The following ZBTB7B variants were observed in gnomAD, a reference collection of about 807,000 sequenced individuals.
The protein encoded by ZBTB7B is zinc finger and BTB domain-containing protein 7B.
ZBTB7B carries 8 observed loss-of-function variants against 31.0 expected under a neutral mutation model. The observed-to-expected ratio is 0.26, with a 90% CI of 0.15 to 0.47. The LOEUF is 0.47. Among genes scored for constraint, ZBTB7B ranks in the 20% least tolerant of loss-of-function variants. The pLI is 0.99. For missense variants in ZBTB7B, 494 were observed against 742.4 expected (o/e 0.67, Z 3.89); for synonymous variants, 261 against 307.3 (o/e 0.85, Z 1.58).
chr1:155,017,053 T>G lies in ZBTB7B; in HGVS notation c.*368T>G. The G allele has an allele frequency of 5.0e-6, 1 of 199,064 alleles. No individual in the cohort carries two copies. The highest frequency in any genetic ancestry group is 2.3e-5 in the African/African-American group (1 of 43,346). The allele number at this position is 199,064 out of a possible 1,614,324, so 12.3% of individuals were successfully genotyped here. On this transcript the variant is annotated 3_prime_UTR_variant, in exon 3 of 3. Coordinates refer to ENST00000535420, the MANE Select transcript of ZBTB7B (RefSeq NM_001256455.2). ...GGGGTGGGGGCTTGGGACCAAAGCCTTGCCCCGCCCCTATGCCCCTTGGGG... is the reference window on the plus strand; with the variant it reads ...GGGGTGGGGGCTTGGGACCAAAGCCGTGCCCCGCCCCTATGCCCCTTGGGG...
rs932039339 is a variant in ZBTB7B, at chr1:155,017,368, G to GCCCGGC, written c.*686_*687insGGCCCC. Reference sequence around the variant, plus strand: ...CCCCTGGGGGCAGTAGAGGGGCCCCGCCCAGCTAGGGGAGCCGCTCCGTTC... The same window carrying GCCCGGC: ...CCCCTGGGGGCAGTAGAGGGGCCCCGCCCGGCCCCAGCTAGGGGAGCCGCTCCGTTC... On this transcript the variant is annotated 3_prime_UTR_variant, in exon 3 of 3. Coordinates refer to ENST00000535420, the MANE Select transcript of ZBTB7B (RefSeq NM_001256455.2). The GCCCGGC allele has an allele frequency of 1.9e-5, 2 of 106,372 alleles. No individual in the cohort carries two copies. The highest frequency in any genetic ancestry group is 6.3e-5 in the African/African-American group (2 of 31,722). 6.6% of individuals were successfully genotyped at this position (106,372 alleles called of 1,614,324 possible).
rs766371728 is a variant in ZBTB7B, at chr1:155,016,453, G to A, written c.1388G>A (p.Arg463His). The A allele has an allele frequency of 1.3e-5, 21 of 1,613,890 alleles. No homozygotes were observed. In the Admixed American group the frequency reaches 2.7e-4, roughly 20 times the overall value. ...CTGGAGGTGCGCACCCGACGGCGCC[G>A]CAAGGACGATGCACCACCCCACTAC... is the stretch of plus-strand genomic sequence containing the variant. ...NCLEVRTRRR[R>H]KDDAPPHYPP... Residue 463 changes from arginine to histidine, a missense_variant, in exon 3 of 3, where the codon CGC (arginine) becomes CAC (histidine). Arg to His is a conservative substitution (Grantham distance 29). Coordinates refer to ENST00000535420, the MANE Select transcript of ZBTB7B (RefSeq NM_001256455.2). This position sits in a 1 kb window ranked among gnomAD's most constrained non-coding sequence, Gnocchi z 4.3.
chr1:155,012,062 C>T (rs760616330), intron 1 of ZBTB7B, among the ~76,000 whole-genome samples: 21 of 152,188 alleles, frequency 1.4e-4, no homozygotes, highest in Non-Finnish European at 2.2e-4. Flanking sequence ...ATTGCTACCT[C>T]TTGGCCATGG....
chr1:155,005,541 T>C (rs374813863), intron 1 of ZBTB7B, among the ~76,000 whole-genome samples: 2 of 152,202 alleles, frequency 1.3e-5, no homozygotes, highest in African/African-American at 4.8e-5. Flanking sequence ...GAGTAGTGAA[T>C]GGGCTCCAGG....
chr1:155,014,206 C>A, intron 1 of ZBTB7B: 1 of 472,908 alleles, frequency 2.1e-6, no homozygotes, highest in Non-Finnish European at 2.8e-6. Flanking sequence ...CACCCCCGGT[C>A]CTTCAGCCAA....
Position 155,015,706 on chromosome 1 carries a change from C to G in ZBTB7B, c.1046C>G (p.Pro349Arg), listed in dbSNP as rs1204358546. The change falls in exon 2 of 3, where the codon CCT becomes CGT. Residue 349 changes from proline to arginine, a missense_variant. By Grantham distance (103) the Pro-to-Arg change is moderately radical (BLOSUM62 -2). This residue lies in a region of ZBTB7B where 61 missense variants were observed against 170.0 expected (regional missense o/e 0.36). Coordinates refer to ENST00000535420, the MANE Select transcript of ZBTB7B (RefSeq NM_001256455.2). ...KRRSQMPQEC[P>R]VCHKIIHGAG... ...CGCTCCCAGATGCCTCAGGAGTGCC[C>G]TGTCTGCCACAAGATCATCCATGGG... The G allele has an allele frequency of 1.2e-6, 2 of 1,612,528 alleles. No homozygotes were observed. Among genetic ancestry groups the G allele is most frequent in the Non-Finnish European group, 1.7e-6 (2 of 1,180,036 alleles).
rs551718696 is a variant in ZBTB7B at position 155,008,825 on chromosome 1, G to A, written c.-6-5830G>A. Reference sequence around the variant, plus strand: ...AGCACCCAGAGGGTTAAGGCTGTAGGGGGGAGGGGCTGGGCCAGGTCGTGG... The same window carrying A: ...AGCACCCAGAGGGTTAAGGCTGTAGAGGGGAGGGGCTGGGCCAGGTCGTGG... On this transcript the variant is annotated intron_variant, in intron 1 of 2. Transcript: ENST00000535420. 6.6e-5 allele frequency among the ~76,000 whole-genome samples: 10 copies of A among 152,206 alleles called. No individual in the cohort carries two copies. The East Asian group carries it at 9.7e-4, about 15-fold the overall frequency.
chr1:155,009,369 G>A (rs1030994116), intron 1 of ZBTB7B, among the ~76,000 whole-genome samples: 13 of 151,504 alleles, frequency 8.6e-5, no homozygotes, highest in Admixed American at 2.0e-4. Context: ...CCCAGCCGGA[G>A]ACACTAGGCT....
Position 155,016,723 on chromosome 1 carries a change from G to A in ZBTB7B, c.*38G>A. ...GCCAGACTGAAGCAGCACAAGGCCGGGGACACCCATGCCAAGCAGTGGGAG... is the reference window on the plus strand; with the variant it reads ...GCCAGACTGAAGCAGCACAAGGCCGAGGACACCCATGCCAAGCAGTGGGAG... On this transcript the variant is annotated 3_prime_UTR_variant, in exon 3 of 3. Transcript: ENST00000535420. The surrounding 1 kb of genome is among the most constrained non-coding windows in gnomAD (Gnocchi z 4.3). The A allele has an allele frequency of 1.6e-6, 2 of 1,242,296 alleles. No individual in the cohort carries two copies. Among genetic ancestry groups the A allele is most frequent in the Non-Finnish European group, 2.2e-6 (2 of 900,438 alleles). The allele number at this position is 1,242,296 out of a possible 1,614,324, so 77.0% of individuals were successfully genotyped here.
Position 155,018,425 on chromosome 1 carries a change from G to C in ZBTB7B, c.*1740G>C. 2 of 1,028,208 alleles carry C rather than the reference G, an allele frequency of 1.9e-6. No individual in the cohort carries two copies. Among genetic ancestry groups the C allele is most frequent in the Admixed American group, 2.5e-5 (1 of 40,058 alleles). The allele number at this position is 1,028,208 out of a possible 1,614,324, so 63.7% of individuals were successfully genotyped here. ...TCGGCTTTCCCAGTCAGTGCCTTAG[G>C]GGGAGAGGCACTCCCCCCCTCCTAT... On this transcript the variant is annotated 3_prime_UTR_variant, in exon 3 of 3. Transcript: ENST00000535420.
chr1:155,014,560 G>C, intron 1 of ZBTB7B, 95 bp from the exon 2 acceptor site: 2 of 1,127,704 alleles, frequency 1.8e-6, no homozygotes, highest in Non-Finnish European at 2.6e-6. Flanking sequence ...CTGGCATGCA[G>C]TCATCCCTCA....
rs1658385665 is a variant in ZBTB7B, at chr1:155,003,694, TC to T, written c.-7+757del. Among the ~76,000 whole-genome samples, 1 of 151,664 alleles carries T rather than the reference TC, an allele frequency of 6.6e-6. No individual in the cohort carries two copies. Among genetic ancestry groups the T allele is most frequent in the Non-Finnish European group, 1.5e-5 (1 of 67,896 alleles). On this transcript the variant is annotated intron_variant, in intron 1 of 2. Transcript: ENST00000535420. This position sits in a 1 kb window ranked among gnomAD's most constrained non-coding sequence, Gnocchi z 5.8. ...GAAGAATTCTCCTACCTACTACCCG[TC>T]CCCCCACCGGCGCCGGCGCACCTGC...
At position 155,015,217 on chromosome 1, in the gene ZBTB7B, T is replaced by C. The variant is rs965485908; in HGVS notation, c.557T>C (p.Leu186Pro). ...GAAGACAGTCCTCCACAGGTGCCCC[T>C]CCCACCACCTCCGCCACCGCCACCT... is the stretch of plus-strand genomic sequence containing the variant. Reference protein sequence around the residue: ...NGEDSPPQVPLPPPPPPPPRP... With the variant: ...NGEDSPPQVPPPPPPPPPPRP... The change falls in exon 2 of 3, where the codon CTC becomes CCC. Residue 186 changes from leucine (L) to proline (P), a missense_variant. Physicochemically the swap from Leu to Pro is moderately conservative, Grantham distance 98 (BLOSUM62 -3). Around this residue, in one of 5 missense-constraint regions of ZBTB7B, gnomAD observed 216 missense variants for 229.3 expected, o/e 0.94. Coordinates refer to ENST00000535420, the MANE Select transcript of ZBTB7B (RefSeq NM_001256455.2). 6.2e-7 allele frequency: 1 copy of C among 1,613,502 alleles called. No homozygotes were observed. The highest frequency in any genetic ancestry group is 8.5e-7 in the Non-Finnish European group (1 of 1,179,956).
At position 155,015,546 on chromosome 1, in the gene ZBTB7B, C is replaced by A. The variant is rs374417943; in HGVS notation, c.886C>A (p.Pro296Thr). 1 of 1,613,658 alleles carries A rather than the reference C, an allele frequency of 6.2e-7. No individual in the cohort carries two copies. Among genetic ancestry groups the A allele is most frequent in the Non-Finnish European group, 8.5e-7 (1 of 1,179,882 alleles). Residue 296 changes from proline to threonine, a missense_variant, in exon 2 of 3, where the codon CCC becomes ACC. Pro to Thr is a conservative substitution (Grantham distance 38, BLOSUM62 -1). Coordinates refer to ENST00000535420, the MANE Select transcript of ZBTB7B (RefSeq NM_001256455.2). ...PAYGLAQGGG[P>T]PLSPEELGSD... ...CTATGGGCTGGCGCAGGGTGGCGGG[C>A]CCCCGCTGTCCCCAGAGGAGCTGGG... is the stretch of plus-strand genomic sequence containing the variant.
rs753799134 is a variant in ZBTB7B at position 155,015,370 on chromosome 1, A to T, written c.710A>T (p.Glu237Val). The T allele has an allele frequency of 6.4e-7, 1 of 1,574,036 alleles. No individual in the cohort carries two copies. Among genetic ancestry groups the T allele is most frequent in the Non-Finnish European group, 8.6e-7 (1 of 1,156,220 alleles). Reference sequence around the variant, plus strand: ...CATCCCTTGACCTATGAGGAGGAGGAGGTGGCGGGCAGAGTGGGCAGCAGT... The same window carrying T: ...CATCCCTTGACCTATGAGGAGGAGGTGGTGGCGGGCAGAGTGGGCAGCAGT... ...PAHPLTYEEE[E>V]VAGRVGSSGG... Residue 237 changes from glutamate to valine, a missense_variant, in exon 2 of 3, where the codon GAG becomes GTG. By Grantham distance (121) the Glu-to-Val change is moderately radical. Transcript: ENST00000535420.
rs1333700612 is a variant in ZBTB7B, at chr1:155,004,744, G to A, written c.-7+1801G>A. Reference sequence around the variant, plus strand: ...AATCTCTGTCAGTGCCTCTGTCCCTGGCCCCAGGGACCCCAGCTCCCCCAG... The same window carrying A: ...AATCTCTGTCAGTGCCTCTGTCCCTAGCCCCAGGGACCCCAGCTCCCCCAG... On this transcript the variant is annotated intron_variant, in intron 1 of 2. Coordinates refer to ENST00000535420, the MANE Select transcript of ZBTB7B (RefSeq NM_001256455.2). This position sits in a 1 kb window ranked among gnomAD's most constrained non-coding sequence, Gnocchi z 4.0. Among the ~76,000 whole-genome samples the A allele has an allele frequency of 6.6e-6, 1 of 152,076 alleles. No homozygotes were observed. The highest frequency in any genetic ancestry group is 2.4e-5 in the African/African-American group (1 of 41,402).
chr1:155,012,394 G>A (rs1265225530), intron 1 of ZBTB7B, among the ~76,000 whole-genome samples: 1 of 152,150 alleles, frequency 6.6e-6, no homozygotes, highest in Admixed American at 6.5e-5. Flanking sequence ...TTGGGCCCAG[G>A]AGGGTGCCTA....
Position 155,015,222 on chromosome 1 carries a change from C to T in ZBTB7B, c.562C>T (p.Pro188Ser). The change falls in exon 2 of 3, where the codon CCA becomes TCA. Residue 188 changes from proline to serine, a missense_variant. By Grantham distance (74) the Pro-to-Ser change is moderately conservative. This residue lies in a region of ZBTB7B where 216 missense variants were observed against 229.3 expected (regional missense o/e 0.94). Coordinates refer to ENST00000535420, the MANE Select transcript of ZBTB7B (RefSeq NM_001256455.2). ...CAGTCCTCCACAGGTGCCCCTCCCA[C>T]CACCTCCGCCACCGCCACCTCGGCC... ...EDSPPQVPLPPPPPPPPRPVA... is the reference protein window; with the variant it reads ...EDSPPQVPLPSPPPPPPRPVA... The T allele has an allele frequency of 6.2e-7, 1 of 1,613,832 alleles. No homozygotes were observed. The highest frequency in any genetic ancestry group is 8.5e-7 in the Non-Finnish European group (1 of 1,180,016).
At position 155,014,831 on chromosome 1, in the gene ZBTB7B, C is replaced by T. The variant is rs772075585; in HGVS notation, c.171C>T (p.His57=). 4 of 1,614,114 alleles carry T rather than the reference C, an allele frequency of 2.5e-6. No individual in the cohort carries two copies. The highest frequency in any genetic ancestry group is 3.4e-6 in the Non-Finnish European group (4 of 1,180,052). The part of the protein sequence containing the change: ...THRAVLAACS[H]YFKKLFTEGG... ...GGGCTGTGCTAGCTGCCTGTAGCCA[C>T]TACTTCAAGAAGCTTTTCACTGAGG... The change falls in exon 2 of 3, where the codon CAC becomes CAT. Residue 57 remains histidine (H), a synonymous_variant. Coordinates refer to ENST00000535420, the MANE Select transcript of ZBTB7B (RefSeq NM_001256455.2).
Sources: gnomAD v4.1 joint callset for allele counts (sites outside exome capture counted in the v4.1 genomes callset) on GRCh38, gnomAD v4.1.1 for gene constraint, gnomAD v4.1.1 regional missense constraint, Gnocchi (gnomAD v3.1) non-coding constraint, MANE v1.5 for transcripts, NCBI Gene and HGNC (gene_info 2026-07-23, HGNC 2026-07-21) for gene names.